Variants in CREBBP observed in about 807,000 individuals in gnomAD.
CREBBP encodes CREB-binding protein.
Under a neutral mutation model 265.0 loss-of-function variants are expected in CREBBP, and 19 were observed. The ratio of observed to expected loss-of-function variants is 0.07; its 90% CI spans 0.05 to 0.11. The LOEUF is 0.11. Ranked by LOEUF, CREBBP falls within the 10% of genes least tolerant of loss-of-function variation. The pLI is 1.00. For synonymous variants in CREBBP, 1,457 were observed against 1,223.7 expected (o/e 1.19, Z -3.98); for missense variants, 2,525 against 3,219.0 (o/e 0.78, Z 5.22).
intron 1 of CREBBP, among the ~76,000 whole-genome samples, chr16:3,878,152 G>A (rs1042604425): frequency 6.6e-6 from 1 of 152,136 alleles, no homozygotes; most frequent in African/African-American, 2.4e-5. Context: ...AAGCTACAAA[G>A]CCATCCAGGT....
chr16:3,806,588 C>T (rs573994470), intron 3 of CREBBP, among the ~76,000 whole-genome samples: 17 of 152,256 alleles, frequency 1.1e-4, no homozygotes, highest in Middle Eastern at 6.8e-3. Flanking sequence ...CACTTCTACA[C>T]GGCATTTTGT....
rs185005752 is a variant in CREBBP at position 3,771,575 on chromosome 16, T to C, written c.2464-589A>G. Among the ~76,000 whole-genome samples the C allele has an allele frequency of 1.3e-3, 195 of 152,150 alleles. 1 individual carries two copies. The highest frequency in any genetic ancestry group is 7.1e-3 in the South Asian group (34 of 4,810). The stretch of plus-strand genomic sequence containing the variant: ...GTCCCCTCATATCCACTCGGATACA[T>C]TCCAAGACCCCCAGTCTTGGAACGC... On this transcript the variant is annotated intron_variant, in intron 13 of 30. Transcript: ENST00000262367.
intron 14 of CREBBP, among the ~76,000 whole-genome samples, chr16:3,770,089 C>T (rs529775464): frequency 3.3e-5 from 5 of 152,272 alleles, no homozygotes; most frequent in East Asian, 1.9e-4. Flanking sequence ...AGGCTGGTCT[C>T]GAACTCCTGA....
intron 2 of CREBBP, among the ~76,000 whole-genome samples, chr16:3,839,827 G>C (rs182775484): frequency 6.5e-4 from 98 of 151,036 alleles, no homozygotes; most frequent in African/African-American, 2.3e-3. Flanking sequence ...AGGAAAGAAA[G>C]AAAGAGAAGG....
At chr16:3,839,262 T>C (rs1305307855) in intron 2 of CREBBP, among the ~76,000 whole-genome samples, 1 of 152,230 alleles carries the variant, frequency 6.6e-6, no homozygotes, top group African/African-American at 2.4e-5. Flanking sequence ...AGCCACTACA[T>C]CTGCAGAAGG....
At chr16:3,764,190 T>C (rs904317461) in intron 16 of CREBBP, among the ~76,000 whole-genome samples, 1 of 151,910 alleles carries the variant, frequency 6.6e-6, no homozygotes, top group Admixed American at 6.6e-5. Flanking sequence ...CCAGGCTGGC[T>C]TGAACTCCTG....
intron 2 of CREBBP, among the ~76,000 whole-genome samples, chr16:3,826,827 T>G (rs996900605): frequency 6.6e-6 from 1 of 152,186 alleles, no homozygotes; most frequent in African/African-American, 2.4e-5. Context: ...GAAATTTGAT[T>G]AAAGTATGGA....
chr16:3,879,819 AC>A lies in CREBBP; in HGVS notation c.85+12del. The A allele has an allele frequency of 6.5e-7, 1 of 1,548,494 alleles. No homozygotes were observed. Among genetic ancestry groups the A allele is most frequent in the Non-Finnish European group, 8.8e-7 (1 of 1,133,672 alleles). On this transcript the variant is annotated intron_variant, in intron 1 of 30. Coordinates refer to ENST00000262367, the MANE Select transcript of CREBBP (RefSeq NM_004380.3). ...GCGCCCCGGGCCCCCGCCGCCCCGGACCCCCTCCTCACCTGTGCTGTCATTC... is the reference window on the plus strand; with the variant it reads ...GCGCCCCGGGCCCCCGCCGCCCCGGACCCCTCCTCACCTGTGCTGTCATTC...
chr16:3,820,696 C>T (rs914338119), intron 2 of CREBBP, among the ~76,000 whole-genome samples: 3 of 152,192 alleles, frequency 2.0e-5, no homozygotes, highest in East Asian at 1.9e-4. Flanking sequence ...AAACCCCCTT[C>T]TCTACAAAAA....
At position 3,731,709 on chromosome 16, in the gene CREBBP, C is replaced by T. The variant is rs1021531367; in HGVS notation, c.4890+67G>A. 10 of 1,607,494 alleles carry T rather than the reference C, an allele frequency of 6.2e-6. No individual in the cohort carries two copies. Among genetic ancestry groups the T allele is most frequent in the Admixed American group, 3.3e-5 (2 of 59,996 alleles). ...ACAGACCTGCACACGGGCCCACGCC[C>T]GCCAGCTGCGAGTCTTTCCCTCCTC... On this transcript the variant is annotated intron_variant, in intron 29 of 30. Coordinates refer to ENST00000262367, the MANE Select transcript of CREBBP (RefSeq NM_004380.3). The surrounding 1 kb of genome is among the most constrained non-coding windows in gnomAD (Gnocchi z 7.7).
intron 1 of CREBBP, among the ~76,000 whole-genome samples, chr16:3,870,032 C>T (rs888524074): frequency 2.0e-5 from 3 of 151,972 alleles, no homozygotes; most frequent in African/African-American, 7.3e-5. Context: ...TATGTTATGT[C>T]TTTTTGTTAT....
chr16:3,768,367 G>A (rs886936942), intron 15 of CREBBP, among the ~76,000 whole-genome samples: 22 of 151,784 alleles, frequency 1.4e-4, no homozygotes, highest in African/African-American at 3.6e-4. Context: ...GGCTGGTCTC[G>A]AACTCCTGAC....
chr16:3,771,341 T>G (rs2053003642), intron 13 of CREBBP, among the ~76,000 whole-genome samples: 1 of 152,158 alleles, frequency 6.6e-6, no homozygotes, highest in Admixed American at 6.5e-5. Flanking sequence ...AGTGCTGGGA[T>G]TACAGGCGTG....
At chr16:3,745,554 T>C (rs2052322804) in intron 21 of CREBBP, 200 bp from the exon 22 acceptor site, 1 of 616,344 alleles carries the variant, frequency 1.6e-6, no homozygotes. Context: ...CTTTCTTCTT[T>C]TGTTTGTACA....
At chr16:3,875,273 C>T (rs538487289) in intron 1 of CREBBP, among the ~76,000 whole-genome samples, 23 of 152,308 alleles carry the variant, frequency 1.5e-4, no homozygotes, top group African/African-American at 5.1e-4. Context: ...TCATCCCTGA[C>T]GACCTTTGAA....
rs377692518 is a variant in CREBBP at position 3,728,036 on chromosome 16, C to T, written c.7011G>A (p.Thr2337=). ...GAGACCGCACCTGGTTACTAAGGGA[C>T]GTGGCGATCTGCTGGCCAGGGAGAT... ...ASHLPGQQIA[T]SLSNQVRSPA... The change falls in exon 31 of 31, where the codon ACG becomes ACA. Residue 2337 remains threonine (T), a synonymous_variant. Coordinates refer to ENST00000262367, the MANE Select transcript of CREBBP (RefSeq NM_004380.3). This position sits in a 1 kb window ranked among gnomAD's most constrained non-coding sequence, Gnocchi z 8.7. 1.1e-4 allele frequency: 170 copies of T among 1,611,910 alleles called. No individual in the cohort carries two copies. Among genetic ancestry groups the T allele is most frequent in the Non-Finnish European group, 1.3e-4 (153 of 1,178,468 alleles).
At chr16:3,839,524 T>C (rs2054522802) in intron 2 of CREBBP, among the ~76,000 whole-genome samples, 1 of 150,310 alleles carries the variant, frequency 6.7e-6, no homozygotes, top group African/African-American at 2.5e-5. Flanking sequence ...CTACTGAAAA[T>C]ACAAAAAATT....
At chr16:3,750,449 A>G (rs934106997) in intron 20 of CREBBP, among the ~76,000 whole-genome samples, 3 of 152,222 alleles carry the variant, frequency 2.0e-5, no homozygotes, top group Non-Finnish European at 4.4e-5. Flanking sequence ...GGTGGTAGGA[A>G]TCATGGAAGA....
rs1596793769 is a variant in CREBBP, at chr16:3,731,989, G to T, written c.4729-52C>A. Reference sequence around the variant, plus strand: ...CCAGGCAAGTGCCCCTCCACACTTGGCACGGACGCCCAGCTCCCAGGCCGT... The same window carrying T: ...CCAGGCAAGTGCCCCTCCACACTTGTCACGGACGCCCAGCTCCCAGGCCGT... On this transcript the variant is annotated intron_variant, in intron 28 of 30. Coordinates refer to ENST00000262367, the MANE Select transcript of CREBBP (RefSeq NM_004380.3). The surrounding 1 kb of genome is among the most constrained non-coding windows in gnomAD (Gnocchi z 7.7). The T allele has an allele frequency of 6.2e-7, 1 of 1,613,382 alleles. No homozygotes were observed. The highest frequency in any genetic ancestry group is 1.1e-5 in the South Asian group (1 of 91,056).
Sources: allele counts gnomAD v4.1 joint callset (sites outside exome capture counted in the v4.1 genomes callset), GRCh38; gene constraint gnomAD v4.1.1; non-coding constraint Gnocchi (gnomAD v3.1); transcripts MANE v1.5; gene names NCBI Gene and HGNC (gene_info 2026-07-23, HGNC 2026-07-21).